Variants in FGD6 observed in about 807,000 individuals in gnomAD.
FGD6 encodes the protein FYVE, RhoGEF and PH domain-containing protein 6.
In FGD6, 90 loss-of-function variants were observed where a neutral mutation model predicts 149.4. The ratio of observed to expected loss-of-function variants is 0.60; its 90% CI spans 0.51 to 0.72. The LOEUF (loss-of-function observed/expected upper bound fraction) is 0.72. FGD6 is among the 30% of genes least tolerant of loss of function. FGD6 has a pLI of 0.00. For missense variants in FGD6, 1,437 were observed against 1,684.8 expected (o/e 0.85, Z 2.57); for synonymous variants, 527 against 584.0 (o/e 0.90, Z 1.41).
intron 2 of FGD6, among the ~76,000 whole-genome samples, chr12:95,187,615 T>G (rs1881479023): frequency 6.9e-6 from 1 of 144,260 alleles, no homozygotes; most frequent in African/African-American, 2.6e-5. Flanking sequence ...ATTGCGCCAC[T>G]CACTCCAGCC....
Position 95,210,801 on chromosome 12 carries a change from C to G in FGD6, c.483G>C (p.Leu161Phe), listed in dbSNP as rs150440348. The change falls in exon 2 of 21, where the codon TTG becomes TTC. Residue 161 changes from leucine to phenylalanine, a missense_variant. Physicochemically the swap from Leu to Phe is conservative, Grantham distance 22. Coordinates refer to ENST00000343958, the MANE Select transcript of FGD6 (RefSeq NM_018351.4). ...CCTGGTTCTTGGCTTTTTCACCATA[C>G]AAATCACATTTACTCCTAGTTTTTA... is the stretch of plus-strand genomic sequence containing the variant. ...LTIKTRSKCD[L>F]YGEKAKNQGG... 6.2e-7 allele frequency: 1 copy of G among 1,614,026 alleles called. No homozygotes were observed. The highest frequency in any genetic ancestry group is 1.7e-5 in the Admixed American group (1 of 59,988).
In FGD6 at chr12:95,176,314, T is replaced by G. The variant is rs188526942; in HGVS notation, c.2442-3570A>C. Among the ~76,000 whole-genome samples the G allele has an allele frequency of 2.2e-3, 337 of 152,354 alleles. 2 individuals carry two copies. The highest frequency in any genetic ancestry group is 6.8e-3 in the Middle Eastern group (2 of 294). On this transcript the variant is annotated intron_variant, in intron 2 of 20. Transcript: ENST00000343958. ...ATAGTTTGGAGTTCTGTTTATTTCC[T>G]TCCCACTGTCCGAATGATAACATCC... is the stretch of plus-strand genomic sequence containing the variant.
chr12:95,107,033 T>C lies in FGD6; in HGVS notation c.3338A>G (p.Asn1113Ser). The C allele has an allele frequency of 6.2e-7, 1 of 1,608,000 alleles. No homozygotes were observed. Among genetic ancestry groups the C allele is most frequent in the Non-Finnish European group, 8.5e-7 (1 of 1,177,782 alleles). ...TGGTGTTGTATACAGCAGGGCATCA[T>C]TAAACTGAAAGTAGAAACATTTCAG... ...VMQPRMFFLFNDALLYTTPVQ... is the reference protein window; with the variant it reads ...VMQPRMFFLFSDALLYTTPVQ... The change falls in exon 13 of 21, where the codon AAT becomes AGT. Residue 1113 changes from asparagine to serine, a missense_variant. Transcript: ENST00000343958.
intron 2 of FGD6, among the ~76,000 whole-genome samples, chr12:95,194,447 C>A (rs560244763): frequency 0.012 from 759 of 63,236 alleles, 4 homozygotes; most frequent in Non-Finnish European, 0.017. Flanking sequence ...GTTGGTCAGG[C>A]TGGTCTCGAA....
chr12:95,131,738 C>G (rs750037862), intron 8 of FGD6, among the ~76,000 whole-genome samples: 1 of 152,140 alleles, frequency 6.6e-6, no homozygotes, highest in Non-Finnish European at 1.5e-5. Flanking sequence ...TCCCCCTTCC[C>G]AAATCCACCA....
Position 95,108,217 on chromosome 12 carries a change from C to T in FGD6, c.3264+131G>A, listed in dbSNP as rs75240920. On this transcript the variant is annotated intron_variant, in intron 11 of 20. Coordinates refer to ENST00000343958, the MANE Select transcript of FGD6 (RefSeq NM_018351.4). ...TGACTTACATCATGAATGTTTTGAA[C>T]GGATAAAGTGATCAAAATTGAATCA... is the stretch of plus-strand genomic sequence containing the variant. 8.7e-4 allele frequency: 676 copies of T among 777,736 alleles called. 9 individuals carry two copies. In the African/African-American group the frequency reaches 0.01, roughly 12 times the overall value. 48.2% of individuals were successfully genotyped at this position (777,736 alleles called of 1,614,324 possible). A position where few individuals can be genotyped will look rare whatever the true frequency, so the allele number is the denominator to read the frequency against.
intron 3 of FGD6, among the ~76,000 whole-genome samples, chr12:95,166,900 A>G (rs1393352498): frequency 7.2e-6 from 1 of 139,158 alleles, no homozygotes; most frequent in African/African-American, 2.7e-5. Flanking sequence ...TCTGTTGGCC[A>G]GGATGGAGTA....
intron 2 of FGD6, among the ~76,000 whole-genome samples, chr12:95,194,347 T>C (rs1055862517): frequency 7.2e-5 from 11 of 152,152 alleles, no homozygotes; most frequent in South Asian, 2.1e-4. Flanking sequence ...GCGATTCTCC[T>C]GCCCCAGCCT....
intron 18 of FGD6, among the ~76,000 whole-genome samples, chr12:95,087,437 G>A (rs2136231859): frequency 6.6e-6 from 1 of 152,272 alleles, no homozygotes; most frequent in East Asian, 1.9e-4. Flanking sequence ...TTCCTTGCTG[G>A]CTTTGAACAA....
intron 3 of FGD6, among the ~76,000 whole-genome samples, chr12:95,162,144 T>C (rs962529411): frequency 2.7e-5 from 4 of 149,300 alleles, no homozygotes; most frequent in African/African-American, 9.9e-5. Context: ...CATGTGCCTG[T>C]AGTTCCTAAT....
chr12:95,122,518 T>C (rs1259406199), intron 8 of FGD6, among the ~76,000 whole-genome samples: 3 of 151,338 alleles, frequency 2.0e-5, no homozygotes, highest in Non-Finnish European at 2.9e-5. Context: ...TGGTGGCTCA[T>C]GTCTGTAATT....
intron 5 of FGD6, among the ~76,000 whole-genome samples, chr12:95,149,501 T>C (rs1880229467): frequency 7.3e-6 from 1 of 136,830 alleles, no homozygotes; most frequent in African/African-American, 2.7e-5. Flanking sequence ...ATACATAATA[T>C]ATAGTATATT....
chr12:95,152,849 A>C lies in FGD6; in HGVS notation c.2655-8T>G, dbSNP rs1321217217. On this transcript the variant is annotated splice_region_variant and splice_polypyrimidine_tract_variant and intron_variant, in intron 4 of 20. Coordinates refer to ENST00000343958, the MANE Select transcript of FGD6 (RefSeq NM_018351.4). ...TTTAACACATCCACAAACCTGTAAA[A>C]AACAACAATGAAAAAAATGTTTTAA... 3 of 1,613,848 alleles carry C rather than the reference A, an allele frequency of 1.9e-6. No individual in the cohort carries two copies. The East Asian group carries it at 6.7e-5, about 36-fold the overall frequency.
intron 8 of FGD6, chr12:95,116,745 T>TATCC (rs926408921): frequency 8.4e-5 from 37 of 439,894 alleles, no homozygotes; most frequent in Admixed American, 1.5e-4. Flanking sequence ...CTCTCCAACT[T>TATCC]ATCCATCCAT....
intron 7 of FGD6, among the ~76,000 whole-genome samples, chr12:95,135,737 C>A (rs981746093): frequency 1.3e-5 from 2 of 152,204 alleles, no homozygotes; most frequent in African/African-American, 4.8e-5. Flanking sequence ...TATGTACCAC[C>A]ACTATCTGGT....
chr12:95,181,286 C>T (rs1022028763), intron 2 of FGD6, among the ~76,000 whole-genome samples: 4 of 152,170 alleles, frequency 2.6e-5, no homozygotes, highest in African/African-American at 9.6e-5. Context: ...TCCCATAGTT[C>T]TCCATTTGGT....
intron 11 of FGD6, 27 bp downstream of exon 11, chr12:95,108,321 T>A (rs1286751093): frequency 6.2e-7 from 1 of 1,602,910 alleles, no homozygotes; most frequent in Non-Finnish European, 8.5e-7. Context: ...CGTATTAAGT[T>A]TGCGAAAAGC....
At chr12:95,150,220 G>T (rs1223658216) in intron 5 of FGD6, among the ~76,000 whole-genome samples, 1 of 151,886 alleles carries the variant, frequency 6.6e-6, no homozygotes, top group East Asian at 1.9e-4. Context: ...TAGAGACGGG[G>T]TTTCTCCATG....
intron 8 of FGD6, among the ~76,000 whole-genome samples, chr12:95,127,539 A>G (rs1419317296): frequency 6.6e-6 from 1 of 152,208 alleles, no homozygotes; most frequent in Non-Finnish European, 1.5e-5. Context: ...GTTAGACTCC[A>G]TCTCAAAAGA....
Sources: allele counts gnomAD v4.1 joint callset (sites outside exome capture counted in the v4.1 genomes callset), GRCh38; gene constraint gnomAD v4.1.1; transcripts MANE v1.5; gene names NCBI Gene and HGNC (gene_info 2026-07-23, HGNC 2026-07-21).